The following GSG1L variants were observed in gnomAD, a reference collection of about 807,000 sequenced individuals.
GSG1L encodes the protein germ cell-specific gene 1-like protein.
A neutral mutation model predicts 42.1 loss-of-function variants in GSG1L; 24 were observed. The observed-to-expected ratio is 0.57, with a 90% CI of 0.41 to 0.80. The LOEUF is 0.80. Among genes scored for constraint, GSG1L ranks in the 30% least tolerant of loss-of-function variants. The pLI is 0.00. For missense variants in GSG1L, 445 were observed against 472.2 expected, an observed-to-expected ratio of 0.94 and a Z score of 0.53; for synonymous variants, 215 against 203.5, an observed-to-expected ratio of 1.06 and a Z score of -0.48.
intron 1 of GSG1L, among the ~76,000 whole-genome samples, chr16:28,001,424 A>G (rs545926502): frequency 4.3e-4 from 65 of 152,370 alleles, no homozygotes; most frequent in African/African-American, 1.5e-3. Flanking sequence ...GCTACAGCGT[A>G]CAGCTTGATG....
chr16:27,993,978 T>TAA (rs1358044150), intron 1 of GSG1L, among the ~76,000 whole-genome samples: 1 of 152,214 alleles, frequency 6.6e-6, no homozygotes, highest in African/African-American at 2.4e-5. Context: ...CCATTTCTTA[T>TAA]AAAAGGCTTT....
At chr16:27,791,493 C>A in intron 6 of GSG1L, 26 bp from the exon 7 acceptor site, 1 of 1,425,564 alleles carries the variant, frequency 7.0e-7, no homozygotes, top group Non-Finnish European at 9.3e-7. Flanking sequence ...GCGGTCAGTG[C>A]TGAAAGCCAC....
chr16:27,807,242 G>A (rs1433021250), intron 6 of GSG1L, among the ~76,000 whole-genome samples: 3 of 152,144 alleles, frequency 2.0e-5, no homozygotes, highest in African/African-American at 7.2e-5. Flanking sequence ...CCTGCTCCCT[G>A]GAACTCCAGT....
intron 2 of GSG1L, among the ~76,000 whole-genome samples, chr16:27,957,914 G>T (rs2085024784): frequency 6.6e-6 from 1 of 152,030 alleles, no homozygotes; most frequent in Non-Finnish European, 1.5e-5. Flanking sequence ...GAGAGGAGAG[G>T]AGGTGCTAGG....
At chr16:28,018,288 A>G (rs982431365) in intron 1 of GSG1L, among the ~76,000 whole-genome samples, 2 of 152,232 alleles carry the variant, frequency 1.3e-5, no homozygotes, top group South Asian at 2.1e-4. Flanking sequence ...GTAGGTAGCT[A>G]AAGATTGATC....
intron 1 of GSG1L, among the ~76,000 whole-genome samples, chr16:28,005,811 T>G (rs867335116): frequency 1.3e-5 from 2 of 152,340 alleles, no homozygotes; most frequent in Middle Eastern, 3.4e-3. Flanking sequence ...TTGTCATTGT[T>G]TTGTTATTAT....
intron 2 of GSG1L, among the ~76,000 whole-genome samples, chr16:27,923,492 C>G (rs1392285391): frequency 1.3e-5 from 2 of 152,218 alleles, no homozygotes; most frequent in African/African-American, 2.4e-5. Flanking sequence ...CACCTATAAT[C>G]CCAGCACTTT....
At chr16:27,831,341 T>C (rs749669664) in intron 4 of GSG1L, among the ~76,000 whole-genome samples, 22 of 152,254 alleles carry the variant, frequency 1.4e-4, no homozygotes, top group Non-Finnish European at 2.6e-4. Flanking sequence ...TTTTTTTCCT[T>C]GATTTTTTTC....
intron 1 of GSG1L, among the ~76,000 whole-genome samples, chr16:27,996,362 G>A (rs987235445): frequency 3.9e-5 from 6 of 152,108 alleles, no homozygotes; most frequent in Admixed American, 6.6e-5. Context: ...CATCTTACAC[G>A]TGTGCAAAAT....
At chr16:27,951,392 C>G (rs1488155833) in intron 2 of GSG1L, among the ~76,000 whole-genome samples, 1 of 152,162 alleles carries the variant, frequency 6.6e-6, no homozygotes, top group Non-Finnish European at 1.5e-5. Context: ...AAATGTCTGT[C>G]TCTTTGAAAT....
intron 1 of GSG1L, among the ~76,000 whole-genome samples, chr16:27,977,271 C>G (rs1373301312): frequency 1.3e-5 from 2 of 152,176 alleles, no homozygotes; most frequent in Non-Finnish European, 2.9e-5. Flanking sequence ...ATGCAGGGGA[C>G]TGACTTGGTC....
chr16:28,004,751 CT>C (rs1440098152), intron 1 of GSG1L, among the ~76,000 whole-genome samples: 3 of 152,046 alleles, frequency 2.0e-5, no homozygotes, highest in African/African-American at 7.2e-5. Flanking sequence ...GCTCTCCAAC[CT>C]GGGCAACAGA....
chr16:27,904,432 T>G (rs2084296509), intron 2 of GSG1L, among the ~76,000 whole-genome samples: 1 of 152,136 alleles, frequency 6.6e-6, no homozygotes, highest in African/African-American at 2.4e-5. Flanking sequence ...TATTTAAAAT[T>G]GCCGATGCCC....
intron 2 of GSG1L, among the ~76,000 whole-genome samples, chr16:27,959,902 C>T (rs2085050199): frequency 6.6e-6 from 1 of 152,060 alleles, no homozygotes; most frequent in Admixed American, 6.5e-5. Flanking sequence ...CTTAGGCTAG[C>T]ATAAAACAAA....
At chr16:27,873,634 A>G (rs1209903800) in intron 3 of GSG1L, among the ~76,000 whole-genome samples, 1 of 152,232 alleles carries the variant, frequency 6.6e-6, no homozygotes, top group Non-Finnish European at 1.5e-5. Flanking sequence ...AAAACATCGC[A>G]AAATTCTGAA....
intron 5 of GSG1L, among the ~76,000 whole-genome samples, chr16:27,813,045 G>T (rs933722996): frequency 1.3e-4 from 20 of 152,144 alleles, no homozygotes; most frequent in African/African-American, 4.6e-4. Flanking sequence ...CTCCCAAAGT[G>T]CTGGGATTAC....
At chr16:27,883,452 C>G (rs2083986705) in intron 3 of GSG1L, among the ~76,000 whole-genome samples, 1 of 152,062 alleles carries the variant, frequency 6.6e-6, no homozygotes, top group African/African-American at 2.4e-5. Context: ...CTGGGGATGA[C>G]AGATTGGCAC....
At chr16:27,909,733 C>T (rs188135829) in intron 2 of GSG1L, among the ~76,000 whole-genome samples, 1 of 149,294 alleles carries the variant, frequency 6.7e-6, no homozygotes, top group African/African-American at 2.5e-5. Context: ...TCCCGACCTC[C>T]AGGGCTCATG....
Position 27,883,038 on chromosome 16 carries a change from G to C in GSG1L, c.550+1448C>G, listed in dbSNP as rs1332577383. 2.7e-5 allele frequency among the ~76,000 whole-genome samples: 4 copies of C among 150,152 alleles called. No homozygotes were observed. The Admixed American group carries it at 2.7e-4, about 10-fold the overall frequency. On this transcript the variant is annotated intron_variant, in intron 3 of 6. Coordinates refer to ENST00000447459, the MANE Select transcript of GSG1L (RefSeq NM_001109763.2). ...GGAGGCTGAGATGGGAGTATCGCTTGAGCCCTGAAGGTCAAGGCTGCAGTG... is the reference window on the plus strand; with the variant it reads ...GGAGGCTGAGATGGGAGTATCGCTTCAGCCCTGAAGGTCAAGGCTGCAGTG...
Sources: allele counts gnomAD v4.1 joint callset (sites outside exome capture counted in the v4.1 genomes callset), GRCh38; gene constraint gnomAD v4.1.1; transcripts MANE v1.5; gene names NCBI Gene and HGNC (gene_info 2026-07-23, HGNC 2026-07-21).